The following ALPL variants were observed in gnomAD, a reference collection of about 807,000 sequenced individuals.
ALPL encodes the protein alkaline phosphatase, tissue-nonspecific isozyme.
Under a neutral mutation model 51.3 loss-of-function variants are expected in ALPL, and 42 were observed. The observed-to-expected ratio is 0.82, with a 90% CI of 0.64 to 1.06. The LOEUF (loss-of-function observed/expected upper bound fraction) is 1.06, where lower values mean the gene tolerates loss of function less well. Ranked by LOEUF, ALPL falls within the 50% of genes least tolerant of loss-of-function variation. ALPL has a pLI of 0.00. For synonymous variants in ALPL, 279 were observed against 296.4 expected (o/e 0.94, Z 0.60); for missense variants, 589 against 709.4 (o/e 0.83, Z 1.93).
Position 21,554,024 on chromosome 1 carries a change from C to A in ALPL, c.-58C>A. The A allele has an allele frequency of 8.2e-7, 1 of 1,215,122 alleles. No individual in the cohort carries two copies. The highest frequency in any genetic ancestry group is 1.2e-6 in the Non-Finnish European group (1 of 822,486). 75.3% of individuals were successfully genotyped at this position (1,215,122 alleles called of 1,614,324 possible). On this transcript the variant is annotated 5_prime_UTR_variant, in exon 2 of 12. Transcript: ENST00000374840. ...CTGACCACTGCCAGCCCACCCCCTC[C>A]CACCCACGTCGATTGCATCTCTGGG...
At chr1:21,562,201 A>G (rs11807480) in intron 4 of ALPL, among the ~76,000 whole-genome samples, 31,714 of 152,202 alleles carry the variant, frequency 0.21, 3,660 homozygotes, top group East Asian at 0.48. Context: ...TATGTCTAAA[A>G]AAATGTATAT....
chr1:21,539,753 C>G lies in ALPL; in HGVS notation c.-104-14225C>G, dbSNP rs891555998. ...CATTGCAAGCTCCACCTCCCGAGTT[C>G]ACACCATTCTCCTGCCTCAGCCTCC... On this transcript the variant is annotated intron_variant, in intron 1 of 11. Transcript: ENST00000374840. 3.3e-5 allele frequency among the ~76,000 whole-genome samples: 5 copies of G among 151,102 alleles called. No individual in the cohort carries two copies. The Admixed American group carries it at 3.3e-4, about 10-fold the overall frequency.
At chr1:21,514,244 G>T (rs940968168) in intron 1 of ALPL, among the ~76,000 whole-genome samples, 1 of 152,114 alleles carries the variant, frequency 6.6e-6, no homozygotes, top group Non-Finnish European at 1.5e-5. Flanking sequence ...TGAGCCCAGG[G>T]TCTAGCTGGG....
Position 21,554,033 on chromosome 1 carries a change from T to A in ALPL, c.-49T>A. On this transcript the variant is annotated 5_prime_UTR_variant, in exon 2 of 12. Coordinates refer to ENST00000374840, the MANE Select transcript of ALPL (RefSeq NM_000478.6). ...GCCAGCCCACCCCCTCCCACCCACG[T>A]CGATTGCATCTCTGGGCTCCAGGGA... The A allele has an allele frequency of 4.3e-6, 4 of 933,992 alleles. No individual in the cohort carries two copies. Among genetic ancestry groups the A allele is most frequent in the Non-Finnish European group, 6.6e-6 (4 of 609,676 alleles). The allele number at this position is 933,992 out of a possible 1,614,324, so 57.9% of individuals were successfully genotyped here.
At chr1:21,570,221 G>A in intron 7 of ALPL, 84 bp from the exon 8 acceptor site, 3 of 1,357,166 alleles carry the variant, frequency 2.2e-6, no homozygotes, top group South Asian at 1.2e-5. Context: ...ACAAGTAAAG[G>A]CCTCAGACTC....
At chr1:21,576,016 G>A (rs1356460733) in intron 10 of ALPL, 92 bp downstream of exon 10, 13 of 1,455,934 alleles carry the variant, frequency 8.9e-6, no homozygotes, top group African/African-American at 1.4e-5. Context: ...CAAGCCCAGA[G>A]CATGGTGGGG....
chr1:21,519,834 G>GGT (rs1205890081), intron 1 of ALPL, among the ~76,000 whole-genome samples: 2 of 152,054 alleles, frequency 1.3e-5, no homozygotes, highest in Non-Finnish European at 2.9e-5. Flanking sequence ...AGGGAGGGAG[G>GGT]GTGGTGGGCC....
At chr1:21,518,512 C>A (rs1320885213) in intron 1 of ALPL, among the ~76,000 whole-genome samples, 1 of 152,014 alleles carries the variant, frequency 6.6e-6, no homozygotes, top group South Asian at 2.1e-4. Context: ...CTTATTACTA[C>A]GATGGATATT....
intron 1 of ALPL, among the ~76,000 whole-genome samples, chr1:21,543,107 TC>T (rs1292477947): frequency 6.6e-6 from 1 of 152,094 alleles, no homozygotes; most frequent in Non-Finnish European, 1.5e-5. Flanking sequence ...GCCACTGCAC[TC>T]CAGCCTGGGC....
chr1:21,531,814 T>TCAAAC (rs1413154999), intron 1 of ALPL, among the ~76,000 whole-genome samples: 1 of 152,142 alleles, frequency 6.6e-6, no homozygotes, highest in African/African-American at 2.4e-5. Flanking sequence ...AGAGGAGAAC[T>TCAAAC]CAAACCCTGT....
intron 4 of ALPL, 106 bp from the exon 5 acceptor site, chr1:21,563,004 C>T: frequency 6.8e-7 from 1 of 1,473,248 alleles, no homozygotes; most frequent in Non-Finnish European, 9.5e-7. Flanking sequence ...CTATGGGGTC[C>T]TCTCTGGTCC....
intron 1 of ALPL, among the ~76,000 whole-genome samples, chr1:21,516,215 CT>C (rs1643797374): frequency 6.6e-6 from 1 of 152,104 alleles, no homozygotes; most frequent in Admixed American, 6.5e-5. Flanking sequence ...CCCCCTCCAC[CT>C]GTCTCCACCT....
At chr1:21,555,846 C>A (rs1384786957) in intron 2 of ALPL, among the ~76,000 whole-genome samples, 1 of 152,090 alleles carries the variant, frequency 6.6e-6, no homozygotes, top group Non-Finnish European at 1.5e-5. Flanking sequence ...TCTTGGCTCA[C>A]TGCAAGCTCC....
intron 1 of ALPL, among the ~76,000 whole-genome samples, chr1:21,541,501 C>A (rs1644184188): frequency 6.6e-6 from 1 of 152,264 alleles, no homozygotes; most frequent in Non-Finnish European, 1.5e-5. Context: ...CACCTAGCGA[C>A]ATTCCCTGGC....
At chr1:21,519,623 C>T (rs931417112) in intron 1 of ALPL, among the ~76,000 whole-genome samples, 14 of 152,182 alleles carry the variant, frequency 9.2e-5, no homozygotes, top group African/African-American at 2.9e-4. Flanking sequence ...ATGGTGAAAC[C>T]CTATCTGTAC....
intron 2 of ALPL, among the ~76,000 whole-genome samples, chr1:21,556,395 C>T (rs939604098): frequency 1.3e-5 from 2 of 152,074 alleles, no homozygotes; most frequent in Admixed American, 6.6e-5. Context: ...AATCCCAGTG[C>T]GTTGGGAGGC....
At chr1:21,552,186 T>TA (rs555460823) in intron 1 of ALPL, among the ~76,000 whole-genome samples, 1,586 of 131,118 alleles carry the variant, frequency 0.012, 29 homozygotes, top group African/African-American at 0.041. Flanking sequence ...ATTTTTAAAT[T>TA]AAAAAAAAAA....
At chr1:21,539,442 C>T (rs1405784322) in intron 1 of ALPL, among the ~76,000 whole-genome samples, 2 of 152,150 alleles carry the variant, frequency 1.3e-5, no homozygotes, top group Non-Finnish European at 2.9e-5. Flanking sequence ...AAAATAGTCT[C>T]AGTTTGAAAT....
In ALPL at chr1:21,554,035, G is replaced by T; in HGVS notation, c.-47G>T. 9.3e-7 allele frequency: 1 copy of T among 1,074,418 alleles called. No homozygotes were observed. The highest frequency in any genetic ancestry group is 1.4e-6 in the Non-Finnish European group (1 of 733,904). The allele number at this position is 1,074,418 out of a possible 1,614,324, so 66.6% of individuals were successfully genotyped here. A position where few individuals can be genotyped will look rare whatever the true frequency, so the allele number is the denominator to read the frequency against. ...CAGCCCACCCCCTCCCACCCACGTC[G>T]ATTGCATCTCTGGGCTCCAGGGATA... On this transcript the variant is annotated 5_prime_UTR_variant, in exon 2 of 12. Coordinates refer to ENST00000374840, the MANE Select transcript of ALPL (RefSeq NM_000478.6).
Sources: allele counts gnomAD v4.1 joint callset (sites outside exome capture counted in the v4.1 genomes callset), GRCh38; gene constraint gnomAD v4.1.1; transcripts MANE v1.5; gene names NCBI Gene and HGNC (gene_info 2026-07-23, HGNC 2026-07-21).